Variants in SPC24 observed in about 807,000 individuals in gnomAD.
The protein encoded by SPC24 is kinetochore protein Spc24.
A neutral mutation model predicts 27.6 loss-of-function variants in SPC24; 31 were observed. That is an observed-to-expected ratio of 1.12 (90% CI 0.84 to 1.52). SPC24 has a LOEUF of 1.52. SPC24 is among the 40% of genes most tolerant of loss of function. The pLI, the probability that SPC24 is intolerant of heterozygous loss-of-function variation, is 0.00. For synonymous variants in SPC24, 105 were observed against 105.8 expected (o/e 0.99, Z 0.05); for missense variants, 284 against 252.5 (o/e 1.12, Z -0.84).
intron 1 of SPC24, among the ~76,000 whole-genome samples, chr19:11,150,116 G>A (rs1181656499): frequency 6.6e-6 from 1 of 150,578 alleles, no homozygotes; most frequent in African/African-American, 2.4e-5. Flanking sequence ...GAACCCAGGA[G>A]GTGGAGGCTG....
intron 1 of SPC24, among the ~76,000 whole-genome samples, chr19:11,152,175 C>G (rs2077877846): frequency 6.6e-6 from 1 of 151,890 alleles, no homozygotes. Context: ...CTTGCCTCAG[C>G]CTCCCAAAGT....
intron 1 of SPC24, among the ~76,000 whole-genome samples, chr19:11,149,911 CATGTTGGT>C (rs2077857525): frequency 4.0e-5 from 6 of 151,436 alleles, no homozygotes; most frequent in Admixed American, 4.0e-4. Context: ...GGGGTTTCAC[CATGTTGGT>C]CAGGCTGGTC....
chr19:11,149,263 C>G (rs1313427290), intron 1 of SPC24, 25 bp from the exon 2 acceptor site: 1 of 1,487,174 alleles, frequency 6.7e-7, no homozygotes, highest in South Asian at 1.3e-5. Flanking sequence ...GAAGCAGGCT[C>G]CCTAGGGTCT....
chr19:11,151,255 T>C (rs2077869118), intron 1 of SPC24, among the ~76,000 whole-genome samples: 1 of 151,828 alleles, frequency 6.6e-6, no homozygotes, highest in African/African-American at 2.4e-5. Flanking sequence ...GACATGTATA[T>C]GGTTCTGCAA....
intron 1 of SPC24, among the ~76,000 whole-genome samples, chr19:11,153,183 C>G (rs1047592451): frequency 1.3e-5 from 2 of 150,402 alleles, no homozygotes; most frequent in Non-Finnish European, 3.0e-5. Flanking sequence ...TGGTGGCTCA[C>G]GCCTGTAATC....
Position 11,147,841 on chromosome 19 carries a change from C to T in SPC24, c.464G>A (p.Cys155Tyr). 1 of 1,609,078 alleles carries T rather than the reference C, an allele frequency of 6.2e-7. No individual in the cohort carries two copies. The highest frequency in any genetic ancestry group is 8.5e-7 in the Non-Finnish European group (1 of 1,178,632). The change falls in exon 4 of 5, where the codon TGT becomes TAT. Residue 155 changes from cysteine (C) to tyrosine (Y), a missense_variant. Cys to Tyr is a radical substitution (Grantham distance 194, BLOSUM62 -2). Coordinates refer to ENST00000592540, the MANE Select transcript of SPC24 (RefSeq NM_182513.4). Reference protein sequence around the residue: ...QVSKIEWDYECEPGMVKGIHH... With the variant: ...QVSKIEWDYEYEPGMVKGIHH... ...ACTGCCTTTGACCATCCCTGGCTCACACTCATAATCCCACTCAATTTTACT... is the reference window on the plus strand; with the variant it reads ...ACTGCCTTTGACCATCCCTGGCTCATACTCATAATCCCACTCAATTTTACT...
At chr19:11,147,644 G>A (rs1600785702) in intron 4 of SPC24, 174 bp downstream of exon 4, 1 of 630,412 alleles carries the variant, frequency 1.6e-6, no homozygotes, top group East Asian at 2.7e-5. Flanking sequence ...CTGATACCCA[G>A]GCTGGTCTCA....
At chr19:11,148,870 C>A (rs1568631267) in intron 2 of SPC24, among the ~76,000 whole-genome samples, 1 of 152,104 alleles carries the variant, frequency 6.6e-6, no homozygotes, top group Non-Finnish European at 1.5e-5. Flanking sequence ...CCTGCCTCGG[C>A]CTCCCAAAGT....
At chr19:11,154,893 T>G (rs1224273829) in intron 1 of SPC24, among the ~76,000 whole-genome samples, 1 of 152,028 alleles carries the variant, frequency 6.6e-6, no homozygotes, top group Non-Finnish European at 1.5e-5. Context: ...CAGTTACAGA[T>G]AGTGAAGATG....
chr19:11,147,169 C>T lies in SPC24; in HGVS notation c.*14G>A, dbSNP rs1457336637. On this transcript the variant is annotated 3_prime_UTR_variant, in exon 5 of 5. Coordinates refer to ENST00000592540, the MANE Select transcript of SPC24 (RefSeq NM_182513.4). ...ATGCCCGCTGGGTGCAAGACGCAGCCACGAGGCTCCTGGCTACCACTCGGT... is the reference window on the plus strand; with the variant it reads ...ATGCCCGCTGGGTGCAAGACGCAGCTACGAGGCTCCTGGCTACCACTCGGT... 6.5e-7 allele frequency: 1 copy of T among 1,537,402 alleles called. No homozygotes were observed. Among genetic ancestry groups the T allele is most frequent in the Admixed American group, 2.0e-5 (1 of 50,802 alleles).
chr19:11,155,568 C>A, intron 1 of SPC24, 49 bp downstream of exon 1: 1 of 1,512,416 alleles, frequency 6.6e-7, no homozygotes, highest in Admixed American at 2.1e-5. Flanking sequence ...CCCCTCCCAG[C>A]ACCCGGGCCC....
Position 11,155,638 on chromosome 19 carries a change from C to T in SPC24, c.139G>A (p.Gly47Ser), listed in dbSNP as rs1454873925. The change falls in exon 1 of 5, where the codon GGT (glycine) becomes AGT (serine). Residue 47 changes from glycine (G) to serine (S), a missense_variant. Transcript: ENST00000592540. ...TCACCTCGCAGCTGCTTCTCGGCAC[C>T]GTCTTGCGTTTCCAGCAGCCGCTCC... ...VVERLLETQDGAEKQLREILT... is the reference protein window; with the variant it reads ...VVERLLETQDSAEKQLREILT... The T allele has an allele frequency of 1.3e-6, 2 of 1,550,036 alleles. No individual in the cohort carries two copies. The highest frequency in any genetic ancestry group is 1.4e-5 in the African/African-American group (1 of 73,276).
At position 11,155,717 on chromosome 19, in the gene SPC24, G is replaced by A; in HGVS notation, c.60C>T (p.Ala20=). The A allele has an allele frequency of 6.3e-7, 1 of 1,577,308 alleles. No individual in the cohort carries two copies. The highest frequency in any genetic ancestry group is 1.7e-4 in the Middle Eastern group (1 of 5,816). Residue 20 remains alanine (A), a synonymous_variant, in exon 1 of 5, where the codon GCC becomes GCT. Transcript: ENST00000592540. ...VSQGLLSLLG[A]NRAEAQQRRL... ...GTCGCTGCTGCGCCTCCGCGCGGTT[G>A]GCGCCCAGCAGGCTGAGCAGCCCCT... is the stretch of plus-strand genomic sequence containing the variant.
At chr19:11,150,755 G>A (rs2077864652) in intron 1 of SPC24, among the ~76,000 whole-genome samples, 1 of 152,158 alleles carries the variant, frequency 6.6e-6, no homozygotes, top group Non-Finnish European at 1.5e-5. Flanking sequence ...CTGTGCCACT[G>A]CACTCCAGCC....
At chr19:11,148,670 CAG>C (rs758047774) in intron 2 of SPC24, among the ~76,000 whole-genome samples, 3 of 151,904 alleles carry the variant, frequency 2.0e-5, no homozygotes, top group South Asian at 4.1e-4. Flanking sequence ...TTGATTGAGA[CAG>C]AGTCTTGTTC....
intron 1 of SPC24, among the ~76,000 whole-genome samples, chr19:11,150,412 G>A (rs1484369426): frequency 1.3e-5 from 2 of 151,888 alleles, no homozygotes; most frequent in Non-Finnish European, 2.9e-5. Flanking sequence ...CTTGAACCTG[G>A]GAGGCGGAGG....
chr19:11,147,171 C>T lies in SPC24; in HGVS notation c.*12G>A, dbSNP rs775465289. The T allele has an allele frequency of 2.5e-5, 38 of 1,530,686 alleles. 1 individual carries two copies. The East Asian group carries it at 7.6e-4, about 31-fold the overall frequency. 94.8% of individuals were successfully genotyped at this position (1,530,686 alleles called of 1,614,324 possible). A position where few individuals can be genotyped will look rare whatever the true frequency, so the allele number is the denominator to read the frequency against. Reference sequence around the variant, plus strand: ...GCCCGCTGGGTGCAAGACGCAGCCACGAGGCTCCTGGCTACCACTCGGTGT... The same window carrying T: ...GCCCGCTGGGTGCAAGACGCAGCCATGAGGCTCCTGGCTACCACTCGGTGT... On this transcript the variant is annotated 3_prime_UTR_variant, in exon 5 of 5. Coordinates refer to ENST00000592540, the MANE Select transcript of SPC24 (RefSeq NM_182513.4).
chr19:11,152,002 C>T (rs969381383), intron 1 of SPC24, among the ~76,000 whole-genome samples: 6 of 151,604 alleles, frequency 4.0e-5, no homozygotes, highest in Non-Finnish European at 5.9e-5. Flanking sequence ...CTCACTGCAA[C>T]CTCTGCTTCC....
At chr19:11,150,156 C>T (rs1286031724) in intron 1 of SPC24, among the ~76,000 whole-genome samples, 1 of 136,840 alleles carries the variant, frequency 7.3e-6, no homozygotes, top group African/African-American at 2.9e-5. Context: ...CACTGCACTC[C>T]AGCCTAGGGG....
Sources: allele counts gnomAD v4.1 joint callset (sites outside exome capture counted in the v4.1 genomes callset), GRCh38; gene constraint gnomAD v4.1.1; transcripts MANE v1.5; gene names NCBI Gene and HGNC (gene_info 2026-07-23, HGNC 2026-07-21).